The following SRGAP1 variants were observed in gnomAD, a reference collection of about 807,000 sequenced individuals.
The protein encoded by SRGAP1 is SLIT-ROBO Rho GTPase-activating protein 1.
SRGAP1 carries 43 observed loss-of-function variants against 121.9 expected under a neutral mutation model. The ratio of observed to expected loss-of-function variants is 0.35; its 90% confidence interval spans 0.28 to 0.46. SRGAP1 has a LOEUF of 0.46. SRGAP1 is among the 20% of genes least tolerant of loss of function. The pLI, the probability that SRGAP1 is intolerant of heterozygous loss-of-function variation, is 1.00. For missense variants in SRGAP1, 1,102 were observed against 1,350.9 expected, an observed-to-expected ratio of 0.82 and a Z score of 2.89; for synonymous variants, 447 against 485.4, an observed-to-expected ratio of 0.92 and a Z score of 1.04.
At chr12:64,136,133 A>T (rs2036852750) in intron 21 of SRGAP1, among the ~76,000 whole-genome samples, 1 of 152,220 alleles carries the variant, frequency 6.6e-6, no homozygotes, top group Non-Finnish European at 1.5e-5. Flanking sequence ...CTCCAATGTT[A>T]ATGTCCTTTG....
At chr12:63,990,503 G>A (rs2033525964) in intron 3 of SRGAP1, among the ~76,000 whole-genome samples, 1 of 152,182 alleles carries the variant, frequency 6.6e-6, no homozygotes, top group Admixed American at 6.5e-5. Flanking sequence ...CTGCACTCCA[G>A]CCTGGGCGAC....
At chr12:64,035,825 T>C (rs1322767056) in intron 4 of SRGAP1, among the ~76,000 whole-genome samples, 2 of 152,202 alleles carry the variant, frequency 1.3e-5, no homozygotes, top group Non-Finnish European at 2.9e-5. Context: ...TGGGAGACAG[T>C]GGCCTGCACC....
intron 15 of SRGAP1, among the ~76,000 whole-genome samples, chr12:64,102,104 C>T (rs561172554): frequency 9.7e-4 from 147 of 152,318 alleles, no homozygotes; most frequent in African/African-American, 3.2e-3. Flanking sequence ...AACCACAATA[C>T]CATTATCATA....
Position 64,085,040 on chromosome 12 carries a change from C to T in SRGAP1, c.1409-1959C>T, listed in dbSNP as rs75616978. The stretch of plus-strand genomic sequence containing the variant: ...AGTATTTGCCAGGAAAAAAGACTTA[C>T]GTTTTTAAAGGTGGTACATTATAGT... On this transcript the variant is annotated intron_variant, in intron 10 of 21. Transcript: ENST00000355086. 3.3e-3 allele frequency among the ~76,000 whole-genome samples: 496 copies of T among 152,216 alleles called. 2 individuals carry two copies. The highest frequency in any genetic ancestry group is 0.011 in the African/African-American group (470 of 41,540).
chr12:64,023,991 G>T (rs753225666), intron 4 of SRGAP1, among the ~76,000 whole-genome samples: 1 of 152,188 alleles, frequency 6.6e-6, no homozygotes, highest in African/African-American at 2.4e-5. Flanking sequence ...GAGGTGGTAG[G>T]AGGAGGGATA....
chr12:63,913,502 T>C (rs1195853001), intron 1 of SRGAP1, among the ~76,000 whole-genome samples: 7 of 142,142 alleles, frequency 4.9e-5, no homozygotes, highest in African/African-American at 1.5e-4. Flanking sequence ...AATACACATA[T>C]ATGTGTATAT....
rs1330480865 is a variant in SRGAP1 at position 64,158,265 on chromosome 12, CT to C, written c.*15596del. ...GTTTCTAAATTAAAACTATTTCCTG[CT>C]TTGTATTTGTCCTTTATTCCAAAAA... On this transcript the variant is annotated 3_prime_UTR_variant, in exon 22 of 22. Coordinates refer to ENST00000355086, the MANE Select transcript of SRGAP1 (RefSeq NM_020762.4). 6.6e-6 allele frequency: 1 copy of C among 152,170 alleles called. No individual in the cohort carries two copies. Among genetic ancestry groups the C allele is most frequent in the Non-Finnish European group, 1.5e-5 (1 of 68,024 alleles). The allele number at this position is 152,170 out of a possible 1,614,324, so 9.4% of individuals were successfully genotyped here.
In SRGAP1 at chr12:64,147,159, AGG is replaced by A; in HGVS notation, c.*4489_*4490del. On this transcript the variant is annotated 3_prime_UTR_variant, in exon 22 of 22. Coordinates refer to ENST00000355086, the MANE Select transcript of SRGAP1 (RefSeq NM_020762.4). ...AGACTGCTGTTTACCTACGTACTGA[AGG>A]GTAACTGCTGCCCGCGTAATTAAAT... 1.3e-5 allele frequency: 3 copies of A among 229,554 alleles called. No individual in the cohort carries two copies. Among genetic ancestry groups the A allele is most frequent in the Non-Finnish European group, 2.5e-5 (3 of 118,754 alleles). The allele number at this position is 229,554 out of a possible 1,614,324, so 14.2% of individuals were successfully genotyped here.
At chr12:63,995,871 A>G (rs1235476128) in intron 3 of SRGAP1, among the ~76,000 whole-genome samples, 2 of 152,012 alleles carry the variant, frequency 1.3e-5, no homozygotes, top group Non-Finnish European at 1.5e-5. Flanking sequence ...AAATACCCCA[A>G]CATGAAAAAA....
intron 3 of SRGAP1, among the ~76,000 whole-genome samples, chr12:64,000,908 A>G (rs1414932710): frequency 6.6e-6 from 1 of 152,246 alleles, no homozygotes; most frequent in Non-Finnish European, 1.5e-5. Flanking sequence ...AAGGTTTGAG[A>G]AAAAGTAGAA....
intron 1 of SRGAP1, among the ~76,000 whole-genome samples, chr12:63,866,040 C>T (rs1185446377): frequency 1.4e-5 from 2 of 146,148 alleles, no homozygotes; most frequent in East Asian, 4.4e-4. Context: ...TAAGAGAAGA[C>T]AACACTTCAA....
intron 1 of SRGAP1, among the ~76,000 whole-genome samples, chr12:63,856,144 G>A (rs1899240725): frequency 6.6e-6 from 1 of 152,090 alleles, no homozygotes; most frequent in South Asian, 2.1e-4. Flanking sequence ...GGTAATCCCA[G>A]CTCCTTGGGA....
intron 1 of SRGAP1, among the ~76,000 whole-genome samples, chr12:63,862,601 G>A (rs1020065484): frequency 6.6e-6 from 1 of 152,186 alleles, no homozygotes; most frequent in African/African-American, 2.4e-5. Context: ...CACTTCTGAA[G>A]ATATCCAGAT....
chr12:64,118,950 G>A (rs1434079689), intron 18 of SRGAP1, among the ~76,000 whole-genome samples: 1 of 151,858 alleles, frequency 6.6e-6, no homozygotes, highest in East Asian at 1.9e-4. Context: ...CAAGTGATCC[G>A]CCCACCTCAC....
At chr12:63,989,797 T>A in intron 2 of SRGAP1, 113 bp from the exon 3 acceptor site, 1 of 734,246 alleles carries the variant, frequency 1.4e-6, no homozygotes, top group Non-Finnish European at 2.3e-6. Flanking sequence ...CAGAGCAGGA[T>A]GCACAGCACA....
intron 1 of SRGAP1, among the ~76,000 whole-genome samples, chr12:63,893,681 C>T (rs1900658959): frequency 6.6e-6 from 1 of 152,140 alleles, no homozygotes; most frequent in South Asian, 2.1e-4. Context: ...CTGACTTGGA[C>T]AAATCCTTGC....
chr12:63,926,402 A>G (rs1209850806), intron 1 of SRGAP1, among the ~76,000 whole-genome samples: 2 of 152,164 alleles, frequency 1.3e-5, no homozygotes, highest in Admixed American at 6.6e-5. Flanking sequence ...GAAGGCTCAG[A>G]GAGGTGAAGT....
At chr12:63,896,260 C>T (rs943517741) in intron 1 of SRGAP1, among the ~76,000 whole-genome samples, 2 of 152,038 alleles carry the variant, frequency 1.3e-5, no homozygotes, top group Middle Eastern at 3.2e-3. Context: ...AATAATAATA[C>T]GATGGTGATG....
At chr12:64,085,073 A>C (rs2136572314) in intron 10 of SRGAP1, among the ~76,000 whole-genome samples, 1 of 152,220 alleles carries the variant, frequency 6.6e-6, no homozygotes, top group East Asian at 1.9e-4. Flanking sequence ...AGTGCTTGGG[A>C]GCTAGTACAT....
Sources: gnomAD v4.1 joint callset for allele counts (sites outside exome capture counted in the v4.1 genomes callset) on GRCh38, gnomAD v4.1.1 for gene constraint, MANE v1.5 for transcripts, NCBI Gene and HGNC (gene_info 2026-07-23, HGNC 2026-07-21) for gene names.